HIPK2: variants seen among roughly 807,000 people sequenced by gnomAD.
HIPK2 encodes homeodomain interacting protein kinase 2.
Under a neutral mutation model 113.7 loss-of-function variants are expected in HIPK2, and 27 were observed. The observed-to-expected ratio is 0.24, with a 90% confidence interval of 0.17 to 0.33. The LOEUF is 0.33. Among genes scored for constraint, HIPK2 ranks in the 10% least tolerant of loss-of-function variants. The pLI is 1.00. For missense variants in HIPK2, 1,257 were observed against 1,588.0 expected (o/e 0.79, Z 3.54); for synonymous variants, 631 against 642.2 (o/e 0.98, Z 0.26).
chr7:139,680,897 G>A (rs1802676518), intron 2 of HIPK2, among the ~76,000 whole-genome samples: 1 of 152,358 alleles, frequency 6.6e-6, no homozygotes. Flanking sequence ...CATGGGCCCA[G>A]TGAGGCAGCC....
intron 2 of HIPK2, among the ~76,000 whole-genome samples, chr7:139,666,523 A>G (rs1802054209): frequency 6.6e-6 from 1 of 152,194 alleles, no homozygotes; most frequent in African/African-American, 2.4e-5. Flanking sequence ...CAACAGAATG[A>G]ACTGTCCCAC....
chr7:139,643,328 G>T (rs1405477724), intron 2 of HIPK2, among the ~76,000 whole-genome samples: 3 of 151,856 alleles, frequency 2.0e-5, no homozygotes, highest in African/African-American at 4.8e-5. Flanking sequence ...CAGATTGGCG[G>T]TTTTTTCTAT....
At chr7:139,758,039 G>A (rs554476231) in intron 1 of HIPK2, among the ~76,000 whole-genome samples, 4 of 152,216 alleles carry the variant, frequency 2.6e-5, no homozygotes, top group South Asian at 2.1e-4. Context: ...TGTCTTTGAC[G>A]GGAAGACTCA....
chr7:139,573,847 C>CA (rs372877209), intron 14 of HIPK2, among the ~76,000 whole-genome samples: 2,791 of 100,028 alleles, frequency 0.028, 35 homozygotes, highest in African/African-American at 0.036. Context: ...AACTCTGTCT[C>CA]AAAAAAAAAA....
chr7:139,735,207 C>T (rs539668698), intron 1 of HIPK2, among the ~76,000 whole-genome samples: 2 of 152,310 alleles, frequency 1.3e-5, no homozygotes, highest in African/African-American at 4.8e-5. Context: ...TTTAGAAGTA[C>T]ATGACGACTT....
rs1798182872 is a variant in HIPK2, at chr7:139,569,185, G to A, written c.*3742C>T. 1 of 152,270 alleles carries A rather than the reference G, an allele frequency of 6.6e-6. No individual in the cohort carries two copies. Among genetic ancestry groups the A allele is most frequent in the South Asian group, 2.1e-4 (1 of 4,826 alleles). The allele number at this position is 152,270 out of a possible 1,614,324, so 9.4% of individuals were successfully genotyped here. The stretch of plus-strand genomic sequence containing the variant: ...CCAGCTGGCTAGAATTGGGTGCTGG[G>A]GGCATGCATCACAGGGGGAGGGGGC... On this transcript the variant is annotated 3_prime_UTR_variant, in exon 15 of 15. Coordinates refer to ENST00000406875, the MANE Select transcript of HIPK2 (RefSeq NM_022740.5).
chr7:139,752,426 C>T (rs560561441), intron 1 of HIPK2, among the ~76,000 whole-genome samples: 50 of 152,250 alleles, frequency 3.3e-4, no homozygotes, highest in African/African-American at 8.4e-4. Context: ...GAGTCTGTCT[C>T]GTGGTTTATC....
intron 1 of HIPK2, among the ~76,000 whole-genome samples, chr7:139,747,335 C>T (rs527391404): frequency 5.3e-5 from 8 of 152,294 alleles, no homozygotes; most frequent in East Asian, 1.9e-4. Context: ...CTCCTAGCTT[C>T]GGAGAAGGTG....
At chr7:139,626,565 C>A (rs566511350) in intron 6 of HIPK2, 36 bp downstream of exon 6, 1 of 1,590,172 alleles carries the variant, frequency 6.3e-7, no homozygotes, top group Admixed American at 1.8e-5. Flanking sequence ...TAAAGTTTGC[C>A]GATCCCTGGT....
chr7:139,584,182 C>T, intron 12 of HIPK2, 118 bp from the exon 13 acceptor site: 1 of 1,370,140 alleles, frequency 7.3e-7, no homozygotes, highest in Non-Finnish European at 9.9e-7. Context: ...AGGAACAGGG[C>T]TTTTGCCCTC....
chr7:139,740,314 T>C (rs922076174), intron 1 of HIPK2, among the ~76,000 whole-genome samples: 1 of 152,212 alleles, frequency 6.6e-6, no homozygotes, highest in Non-Finnish European at 1.5e-5. Context: ...GCCAGCAGCA[T>C]GCTTAGCCTG....
intron 2 of HIPK2, among the ~76,000 whole-genome samples, chr7:139,668,570 C>CAAA (rs554785662): frequency 9.7e-6 from 1 of 102,880 alleles, no homozygotes; most frequent in South Asian, 2.8e-4. Flanking sequence ...GGCTCTGTCT[C>CAAA]AAAAAAAAAA....
chr7:139,764,552 G>C (rs1035254399), intron 1 of HIPK2, among the ~76,000 whole-genome samples: 3 of 152,190 alleles, frequency 2.0e-5, no homozygotes, highest in Non-Finnish European at 4.4e-5. Flanking sequence ...ATATTTCAGG[G>C]GGTTGACCAA....
intron 2 of HIPK2, among the ~76,000 whole-genome samples, chr7:139,670,753 TTCTTTC>T (rs1188804104): frequency 0.025 from 1,041 of 40,996 alleles, 95 homozygotes; most frequent in Middle Eastern, 0.058. Flanking sequence ...CTTTCTTTCT[TTCTTTC>T]TTTTTTTTTT....
Position 139,777,717 on chromosome 7 carries a change from A to G in HIPK2, c.-94T>C. The G allele has an allele frequency of 2.0e-6, 2 of 1,021,090 alleles. No homozygotes were observed. The highest frequency in any genetic ancestry group is 2.3e-6 in the Non-Finnish European group (2 of 851,168). 63.3% of individuals were successfully genotyped at this position (1,021,090 alleles called of 1,614,324 possible). A position where few individuals can be genotyped will look rare whatever the true frequency, so the allele number is the denominator to read the frequency against. On this transcript the variant is annotated 5_prime_UTR_variant, in exon 1 of 15. Coordinates refer to ENST00000406875, the MANE Select transcript of HIPK2 (RefSeq NM_022740.5). ...GCCTCAGTCGGAATCTGCCATCTTG[A>G]GCCTGTGTCTCCGCTCTCGGCGCAG...
chr7:139,578,338 G>A (rs924333299), intron 13 of HIPK2, among the ~76,000 whole-genome samples: 1 of 152,138 alleles, frequency 6.6e-6, no homozygotes, highest in African/African-American at 2.4e-5. Context: ...TAGAGACAGA[G>A]TTTGACCATG....
Position 139,774,505 on chromosome 7 carries a change from T to C in HIPK2, c.19+3100A>G, listed in dbSNP as rs546165920. On this transcript the variant is annotated intron_variant, in intron 1 of 14. Transcript: ENST00000406875. ...ACAGGAACAGATATTTTAGGGCATG[T>C]GTCATCAAACTCTGCTAACCCAAGA... 2.0e-5 allele frequency among the ~76,000 whole-genome samples: 3 copies of C among 152,354 alleles called. No homozygotes were observed. The East Asian group carries it at 5.8e-4, about 29-fold the overall frequency.
intron 2 of HIPK2, among the ~76,000 whole-genome samples, chr7:139,670,560 G>A (rs1276890904): frequency 6.7e-6 from 1 of 149,648 alleles, no homozygotes; most frequent in African/African-American, 2.5e-5. Flanking sequence ...CAGCCTGGGT[G>A]ATAGAGCAAG....
chr7:139,703,376 T>C (rs1722462325), intron 2 of HIPK2, among the ~76,000 whole-genome samples: 1 of 152,106 alleles, frequency 6.6e-6, no homozygotes. Flanking sequence ...TCTATTTATA[T>C]TCTGGGGGTT....
Sources: gnomAD v4.1 joint callset for allele counts (sites outside exome capture counted in the v4.1 genomes callset) on GRCh38, gnomAD v4.1.1 for gene constraint, MANE v1.5 for transcripts, NCBI Gene and HGNC (gene_info 2026-07-23, HGNC 2026-07-21) for gene names.